Variants in MICAL2 observed in about 807,000 individuals in gnomAD.
MICAL2 encodes the protein microtubule associated monooxygenase, calponin and LIM domain containing 2, also known as [F-actin]-monooxygenase MICAL2.
In MICAL2, 77 loss-of-function variants were observed where a neutral mutation model predicts 127.3. That is an observed-to-expected ratio of 0.60 (90% CI 0.50 to 0.73). MICAL2 has a LOEUF of 0.73. MICAL2 is among the 30% of genes least tolerant of loss of function. MICAL2 has a pLI of 0.00. For synonymous variants in MICAL2, 570 were observed against 551.1 expected, an observed-to-expected ratio of 1.03 and a Z score of -0.48; for missense variants, 1,351 against 1,434.4, an observed-to-expected ratio of 0.94 and a Z score of 0.94.
At chr11:12,239,628 C>CT (rs1565226735) in intron 17 of MICAL2, 43 bp downstream of exon 17, 1 of 1,597,768 alleles carries the variant, frequency 6.3e-7, no homozygotes, top group Admixed American at 1.7e-5. Context: ...TTCCTGGTGA[C>CT]TTTTCAGCAG....
intron 32 of MICAL2, among the ~76,000 whole-genome samples, chr11:12,346,534 A>G (rs2134892347): frequency 6.6e-6 from 1 of 152,288 alleles, no homozygotes; most frequent in East Asian, 1.9e-4. Context: ...CCAATAACAA[A>G]TGTCCGTGAA....
intron 8 of MICAL2, among the ~76,000 whole-genome samples, chr11:12,219,820 A>G (rs770586649): frequency 6.6e-6 from 1 of 152,240 alleles, no homozygotes; most frequent in Non-Finnish European, 1.5e-5. Context: ...TGCACTGTTC[A>G]TTACAACTCT....
intron 30 of MICAL2, among the ~76,000 whole-genome samples, chr11:12,321,599 C>T (rs1361132024): frequency 2.0e-5 from 3 of 152,226 alleles, no homozygotes; most frequent in African/African-American, 4.8e-5. Context: ...TCCCTCTCTG[C>T]ATCATCACCA....
intron 1 of MICAL2, 100 bp from the exon 2 acceptor site, chr11:12,138,290 A>G (rs1397258953): frequency 2.0e-5 from 3 of 152,244 alleles, no homozygotes; most frequent in Non-Finnish European, 4.4e-5. Flanking sequence ...CCCACAAGGC[A>G]GAGTGCACAA....
At chr11:12,257,978 G>T (rs971351328) in intron 24 of MICAL2, among the ~76,000 whole-genome samples, 1 of 152,174 alleles carries the variant, frequency 6.6e-6, no homozygotes, top group African/African-American at 2.4e-5. Context: ...AAAGACTGAG[G>T]GTGTTCATAC....
At chr11:12,291,877 A>C (rs978571780), downstream of MICAL2, among the ~76,000 whole-genome samples, 6 of 152,034 alleles carry the variant, frequency 3.9e-5, no homozygotes, top group African/African-American at 1.5e-4. Context: ...GCCCTGATAC[A>C]CCTCTCAAGA....
chr11:12,133,358 A>AG (rs1851579611), intron 1 of MICAL2, among the ~76,000 whole-genome samples: 1 of 152,204 alleles, frequency 6.6e-6, no homozygotes, highest in Non-Finnish European at 1.5e-5. Context: ...CTGGGATTAC[A>AG]GGTGTGAGCC....
intron 31 of MICAL2, among the ~76,000 whole-genome samples, chr11:12,325,340 G>C (rs958369534): frequency 5.9e-5 from 9 of 152,070 alleles, no homozygotes; most frequent in African/African-American, 2.2e-4. Context: ...GAACTCCTGA[G>C]CTCAAGTGAT....
At chr11:12,238,916 C>A (rs1859482243) in intron 16 of MICAL2, among the ~76,000 whole-genome samples, 1 of 152,102 alleles carries the variant, frequency 6.6e-6, no homozygotes, top group African/African-American at 2.4e-5. Context: ...CTGGTTAAAG[C>A]TGGGGGTAGG....
downstream of MICAL2, chr11:12,293,838 G>A (rs1418457156): frequency 1.9e-5 from 31 of 1,606,362 alleles, no homozygotes; most frequent in East Asian, 4.5e-5. Context: ...CCCATCTGGG[G>A]GAAGGACAGG....
chr11:12,213,582 G>T (rs1223613725), intron 7 of MICAL2, among the ~76,000 whole-genome samples, 172 bp downstream of exon 7: 1 of 152,170 alleles, frequency 6.6e-6, no homozygotes, highest in Non-Finnish European at 1.5e-5. Context: ...ATTCCTTCTG[G>T]GACAAGAGAG....
intron 34 of MICAL2, among the ~76,000 whole-genome samples, chr11:12,357,741 G>A (rs1312011808): frequency 1.3e-5 from 2 of 152,136 alleles, no homozygotes; most frequent in Non-Finnish European, 2.9e-5. Context: ...AGGAGGCTGA[G>A]GCAGGAGAAT....
At chr11:12,273,318 C>A (rs144953945), upstream of MICAL2, among the ~76,000 whole-genome samples, 578 of 152,230 alleles carry the variant, frequency 3.8e-3, 4 homozygotes, top group African/African-American at 0.013. Flanking sequence ...TATTGAGCAC[C>A]CAATAAAAGT....
chr11:12,287,960 G>A (rs1565294131), downstream of MICAL2, among the ~76,000 whole-genome samples: 1 of 152,192 alleles, frequency 6.6e-6, no homozygotes. Flanking sequence ...AAAGGCCTTG[G>A]CTTAGACAGG....
At chr11:12,232,467 T>C (rs1424997622) in intron 15 of MICAL2, among the ~76,000 whole-genome samples, 4 of 152,202 alleles carry the variant, frequency 2.6e-5, no homozygotes, top group Non-Finnish European at 5.9e-5. Flanking sequence ...CTCATGCCTG[T>C]AATCCAGCAC....
intron 1 of MICAL2, among the ~76,000 whole-genome samples, chr11:12,123,031 C>T (rs1453968413): frequency 2.6e-5 from 4 of 151,936 alleles, no homozygotes; most frequent in African/African-American, 9.7e-5. Flanking sequence ...CACCCAATAG[C>T]TCTTCAGAAA....
At chr11:12,278,458 A>G (rs1290132645) in intron 1 of MICAL2, among the ~76,000 whole-genome samples, 1 of 152,242 alleles carries the variant, frequency 6.6e-6, no homozygotes, top group Non-Finnish European at 1.5e-5. Flanking sequence ...AATAGGTGAT[A>G]GGAATTTTCC....
chr11:12,356,008 ATACC>A (rs1939122289), intron 34 of MICAL2, among the ~76,000 whole-genome samples: 2 of 152,296 alleles, frequency 1.3e-5, no homozygotes, highest in South Asian at 4.1e-4. Flanking sequence ...ATCCTGGAAT[ATACC>A]TAACTTAATA....
chr11:12,221,578 G>T, intron 9 of MICAL2, 66 bp from the exon 10 acceptor site: 1 of 1,165,266 alleles, frequency 8.6e-7, no homozygotes, highest in Non-Finnish European at 1.3e-6. Flanking sequence ...TGTGTGCTGG[G>T]TCCAATGAGA....
Sources: gnomAD v4.1 joint callset for allele counts (sites outside exome capture counted in the v4.1 genomes callset) on GRCh38, gnomAD v4.1.1 for gene constraint, MANE v1.5 for transcripts, NCBI Gene and HGNC (gene_info 2026-07-23, HGNC 2026-07-21) for gene names.